The following SOBP variants were observed in gnomAD, a reference collection of about 807,000 sequenced individuals.
SOBP encodes the protein sine oculis binding protein homolog, also known as sine oculis-binding protein homolog.
In SOBP, 4 loss-of-function variants were observed where a neutral mutation model predicts 53.6. The observed-to-expected ratio is 0.07, with a 90% CI of 0.04 to 0.17. The LOEUF (loss-of-function observed/expected upper bound fraction) is 0.17. Among genes scored for constraint, SOBP ranks in the 10% least tolerant of loss-of-function variants. The probability of loss-of-function intolerance (pLI) is 1.00; values close to 1 mark genes in which losing one functional copy is unlikely to be tolerated. For synonymous variants in SOBP, 584 were observed against 522.6 expected, an observed-to-expected ratio of 1.12 and a Z score of -1.60; for missense variants, 1,088 against 1,204.7, an observed-to-expected ratio of 0.90 and a Z score of 1.43.
chr6:107,498,087 A>G (rs1189439457), intron 1 of SOBP, among the ~76,000 whole-genome samples: 1 of 152,202 alleles, frequency 6.6e-6, no homozygotes, highest in Non-Finnish European at 1.5e-5. Context: ...TTAAATAAAT[A>G]TTTGTGACTG....
intron 4 of SOBP, among the ~76,000 whole-genome samples, chr6:107,556,209 G>C (rs1411644090): frequency 6.6e-6 from 1 of 152,190 alleles, no homozygotes; most frequent in East Asian, 1.9e-4. Context: ...GTTAGAAGAT[G>C]GTTCCAGTCA....
intron 5 of SOBP, among the ~76,000 whole-genome samples, chr6:107,611,750 C>G (rs991622379): frequency 4.6e-5 from 7 of 152,176 alleles, no homozygotes; most frequent in African/African-American, 1.7e-4. Context: ...AAATGTCCAG[C>G]AGACTTTGCT....
At chr6:107,643,663 C>G (rs1210486454) in intron 6 of SOBP, among the ~76,000 whole-genome samples, 1 of 152,108 alleles carries the variant, frequency 6.6e-6, no homozygotes, top group African/African-American at 2.4e-5. Flanking sequence ...TCATCATCCA[C>G]CTGTCTAGGC....
intron 2 of SOBP, 91 bp from the exon 3 acceptor site, chr6:107,506,151 A>C: frequency 2.8e-6 from 3 of 1,081,996 alleles, no homozygotes; most frequent in Non-Finnish European, 4.2e-6. Flanking sequence ...TGTTGGGTTC[A>C]TGGCCATTTT....
At chr6:107,625,622 CA>C (rs769449210) in intron 5 of SOBP, among the ~76,000 whole-genome samples, 3 of 152,180 alleles carry the variant, frequency 2.0e-5, no homozygotes, top group African/African-American at 7.2e-5. Context: ...TGTGGTGTTT[CA>C]GGGGTACCAC....
chr6:107,641,152 G>C (rs1043945428), intron 6 of SOBP, among the ~76,000 whole-genome samples: 1 of 152,214 alleles, frequency 6.6e-6, no homozygotes, highest in African/African-American at 2.4e-5. Context: ...TTTCTCTGAG[G>C]AAGCTGAATT....
At chr6:107,650,416 A>G (rs1771755510) in intron 6 of SOBP, among the ~76,000 whole-genome samples, 1 of 152,214 alleles carries the variant, frequency 6.6e-6, no homozygotes, top group Non-Finnish European at 1.5e-5. Context: ...CTTTGTACAA[A>G]TGGAAGGTTT....
At chr6:107,510,411 G>C (rs529660321) in intron 3 of SOBP, 4 of 152,234 alleles carry the variant, frequency 2.6e-5, no homozygotes, top group African/African-American at 7.2e-5. Context: ...CAGGAAAATA[G>C]TGAGTTTTCA....
chr6:107,614,983 GAT>G (rs1786733264), intron 5 of SOBP, among the ~76,000 whole-genome samples: 1 of 152,196 alleles, frequency 6.6e-6, no homozygotes, highest in African/African-American at 2.4e-5. Flanking sequence ...AATGTTTCCT[GAT>G]AACTGTGTAC....
At chr6:107,577,319 T>G (rs937675919) in intron 4 of SOBP, among the ~76,000 whole-genome samples, 7 of 152,260 alleles carry the variant, frequency 4.6e-5, no homozygotes, top group Non-Finnish European at 7.3e-5. Context: ...CTTCTGTCTC[T>G]ATTATTCCTA....
chr6:107,578,227 C>T (rs976530763), intron 4 of SOBP, among the ~76,000 whole-genome samples: 2 of 151,790 alleles, frequency 1.3e-5, no homozygotes, highest in Non-Finnish European at 2.9e-5. Flanking sequence ...CCTCTTCCCC[C>T]ACCCCGCACC....
chr6:107,598,321 A>G (rs1256978374), intron 5 of SOBP, among the ~76,000 whole-genome samples: 11 of 152,236 alleles, frequency 7.2e-5, no homozygotes, highest in Non-Finnish European at 1.6e-4. Flanking sequence ...AGGCCGTTTA[A>G]TAGGGAAGAA....
chr6:107,559,983 G>A lies in SOBP; in HGVS notation c.573+26373G>A, dbSNP rs78085452. Among the ~76,000 whole-genome samples the A allele has an allele frequency of 5.2e-4, 79 of 152,140 alleles. 1 individual carries two copies. In the East Asian group the frequency reaches 0.013, roughly 25 times the overall value. On this transcript the variant is annotated intron_variant, in intron 4 of 6. Transcript: ENST00000317357. ...ATGACTTTATTCAGGGGGCAGCAGT[G>A]GGGGAGAGGGTGGCCTGATGTCCTG...
intron 5 of SOBP, among the ~76,000 whole-genome samples, chr6:107,619,122 A>T (rs977320383): frequency 5.9e-5 from 9 of 152,156 alleles, no homozygotes; most frequent in African/African-American, 1.9e-4. Context: ...TTCAGTTACA[A>T]CTGGTAATTG....
chr6:107,502,034 T>C (rs1765523028), intron 1 of SOBP, among the ~76,000 whole-genome samples: 1 of 152,128 alleles, frequency 6.6e-6, no homozygotes. Context: ...CCAGTTGGAG[T>C]TCAGAGCTTA....
At chr6:107,655,238 C>G (rs980182705) in intron 6 of SOBP, among the ~76,000 whole-genome samples, 4 of 152,232 alleles carry the variant, frequency 2.6e-5, no homozygotes, top group Non-Finnish European at 4.4e-5. Context: ...TTCCTCCCCA[C>G]TCTGTTGGAT....
At chr6:107,620,393 A>T (rs1416624911) in intron 5 of SOBP, among the ~76,000 whole-genome samples, 1 of 152,136 alleles carries the variant, frequency 6.6e-6, no homozygotes, top group Non-Finnish European at 1.5e-5. Context: ...GTCTCTTGGC[A>T]TTATATTGAT....
rs1205037217 is a variant in SOBP at position 107,658,542 on chromosome 6, C to G, written c.*339C>G. The G allele has an allele frequency of 1.3e-5, 2 of 152,638 alleles. No homozygotes were observed. Among genetic ancestry groups the G allele is most frequent in the Non-Finnish European group, 2.9e-5 (2 of 68,032 alleles). 9.5% of individuals were successfully genotyped at this position (152,638 alleles called of 1,614,324 possible). On this transcript the variant is annotated 3_prime_UTR_variant, in exon 7 of 7. Coordinates refer to ENST00000317357, the MANE Select transcript of SOBP (RefSeq NM_018013.4). ...CAAGGACCAATGTAGGTATTCTCCC[C>G]GCCCCATCTTCAAGGCTCAGCGACT... is the stretch of plus-strand genomic sequence containing the variant.
chr6:107,604,717 CATA>C (rs1381766515), intron 5 of SOBP, among the ~76,000 whole-genome samples: 2 of 152,164 alleles, frequency 1.3e-5, no homozygotes, highest in Non-Finnish European at 2.9e-5. Flanking sequence ...AGTGACGTGG[CATA>C]ATAACACCCT....
Sources: gnomAD v4.1 joint callset for allele counts (sites outside exome capture counted in the v4.1 genomes callset) on GRCh38, gnomAD v4.1.1 for gene constraint, MANE v1.5 for transcripts, NCBI Gene and HGNC (gene_info 2026-07-23, HGNC 2026-07-21) for gene names.